Variants in YJU2 observed in about 807,000 individuals in gnomAD.
YJU2 encodes the protein YJU2 splicing factor homolog.
In YJU2, 28 loss-of-function variants were observed where a neutral mutation model predicts 39.6. That is an observed-to-expected ratio of 0.71 (90% CI 0.52 to 0.97). The LOEUF (loss-of-function observed/expected upper bound fraction) is 0.97. Among genes scored for constraint, YJU2 ranks in the 50% least tolerant of loss-of-function variants. The pLI is 0.00. For missense variants in YJU2, 328 were observed against 430.4 expected (o/e 0.76, Z 2.11); for synonymous variants, 184 against 182.4 (o/e 1.01, Z -0.07).
intron 3 of YJU2, among the ~76,000 whole-genome samples, chr19:4,253,192 C>G: frequency 7.9e-6 from 1 of 126,242 alleles, no homozygotes; most frequent in Non-Finnish European, 1.6e-5. Context: ...AGACCCTGTC[C>G]GTGTCTACAC....
Position 4,250,970 on chromosome 19 carries a change from C to T in YJU2, c.126-57C>T, listed in dbSNP as rs1191483776. On this transcript the variant is annotated intron_variant, in intron 2 of 7. Transcript: ENST00000262962. ...TCTTGCAGGATGCCGCAGGGACAGC[C>T]TGCCAGTGGGAGCCAGCGTCCCAAG... 3 of 1,584,332 alleles carry T rather than the reference C, an allele frequency of 1.9e-6. No individual in the cohort carries two copies. The African/African-American group carries it at 4.0e-5, about 21-fold the overall frequency.
intron 1 of YJU2, chr19:4,247,500 A>G (rs1599494327): frequency 6.1e-6 from 1 of 165,214 alleles, no homozygotes; most frequent in Non-Finnish European, 1.2e-5. Context: ...CCTCTTCTTG[A>G]GGGGCGTGGC....
At chr19:4,260,575 A>G (rs1391583122) in intron 5 of YJU2, among the ~76,000 whole-genome samples, 3 of 152,200 alleles carry the variant, frequency 2.0e-5, no homozygotes, top group Admixed American at 1.3e-4. Context: ...CGTCTCTACT[A>G]AAACTACAGA....
intron 5 of YJU2, among the ~76,000 whole-genome samples, chr19:4,261,138 C>G (rs1025373373): frequency 6.6e-6 from 1 of 152,134 alleles, no homozygotes; most frequent in African/African-American, 2.4e-5. Context: ...AAGCATTTCT[C>G]CTGCCTTGGC....
chr19:4,268,586 G>A lies in YJU2; in HGVS notation c.862G>A (p.Ala288Thr), dbSNP rs1971136114. Residue 288 changes from alanine to threonine, a missense_variant and splice_region_variant, in exon 8 of 8, where the codon GCC becomes ACC. Ala to Thr is a moderately conservative substitution (Grantham distance 58). This residue lies in a region of YJU2 where 244 missense variants were observed against 264.6 expected (regional missense o/e 0.92). Transcript: ENST00000262962. ...GCTAACTCTCGCTCTCCCACCAGGA[G>A]CCCCGCAGAACAGGAAGGAGGCCAA... ...GQPQAAPTPG[A>T]PQNRKEANPT... is the part of the protein sequence containing the mutation. 1.1e-5 allele frequency: 17 copies of A among 1,609,534 alleles called. No homozygotes were observed. Among genetic ancestry groups the A allele is most frequent in the Non-Finnish European group, 1.4e-5 (17 of 1,177,404 alleles).
intron 3 of YJU2, among the ~76,000 whole-genome samples, chr19:4,253,847 A>G (rs1296589942): frequency 1.3e-5 from 2 of 150,966 alleles, no homozygotes; most frequent in Non-Finnish European, 1.5e-5. Flanking sequence ...TTTTTGAGAC[A>G]GGGTCTCACT....
intron 5 of YJU2, among the ~76,000 whole-genome samples, chr19:4,259,517 C>T (rs4807561): frequency 0.3 from 45,625 of 151,702 alleles, 7,040 homozygotes; most frequent in East Asian, 0.45. Flanking sequence ...GTAGCTGGGA[C>T]CACAGGGACA....
At chr19:4,265,151 A>G (rs1476489966) in intron 6 of YJU2, among the ~76,000 whole-genome samples, 1 of 151,684 alleles carries the variant, frequency 6.6e-6, no homozygotes, top group Non-Finnish European at 1.5e-5. Flanking sequence ...CAGGTGTTTT[A>G]TTTGGTTTTA....
intron 6 of YJU2, among the ~76,000 whole-genome samples, chr19:4,263,809 CAA>C (rs34863832): frequency 0.014 from 1,416 of 98,338 alleles, 19 homozygotes; most frequent in African/African-American, 0.044. Flanking sequence ...GACTCTATCT[CAA>C]AAAAAAAAAA....
intron 4 of YJU2, among the ~76,000 whole-genome samples, chr19:4,257,850 G>A (rs574641352): frequency 5.9e-5 from 9 of 152,244 alleles, no homozygotes; most frequent in Middle Eastern, 6.8e-3. Flanking sequence ...TGATCCGCCC[G>A]CTCCGGCCTC....
rs1283721679 is a variant in YJU2 at position 4,258,252 on chromosome 19, A to G, written c.416A>G (p.Asn139Ser). The change falls in exon 5 of 8, where the codon AAC (asparagine) becomes AGC (serine). Residue 139 changes from asparagine (N) to serine (S), a missense_variant. Physicochemically the swap from Asn to Ser is conservative, Grantham distance 46. This residue lies in a region of YJU2 where 244 missense variants were observed against 264.6 expected (regional missense o/e 0.92). Coordinates refer to ENST00000262962, the MANE Select transcript of YJU2 (RefSeq NM_018074.6). ...CCCCGCGCCCGCCAGGTGCTGGAGA[A>G]CCGGACCAAGGACTCCAAGCTGGAG... ...ELNNPMKVLE[N>S]RTKDSKLEME... is the part of the protein sequence containing the mutation. The G allele has an allele frequency of 1.3e-6, 2 of 1,552,930 alleles. No individual in the cohort carries two copies. The highest frequency in any genetic ancestry group is 2.0e-5 in the Admixed American group (1 of 51,028).
At chr19:4,258,879 A>G (rs561753790) in intron 5 of YJU2, among the ~76,000 whole-genome samples, 1 of 152,060 alleles carries the variant, frequency 6.6e-6, no homozygotes, top group East Asian at 1.9e-4. Flanking sequence ...CCATGCCGGG[A>G]TTCCAGACTC....
intron 6 of YJU2, among the ~76,000 whole-genome samples, chr19:4,264,261 CAAAAAAAAAAAAAAA>C (rs748910280): frequency 6.8e-5 from 3 of 43,942 alleles, no homozygotes; most frequent in African/African-American, 1.5e-4. Flanking sequence ...GACTCTGTCT[CAAAAAAAAAAAAAAA>C]AAAAAAAAAA....
intron 5 of YJU2, among the ~76,000 whole-genome samples, chr19:4,260,217 A>G (rs892221585): frequency 6.6e-6 from 1 of 152,192 alleles, no homozygotes; most frequent in African/African-American, 2.4e-5. Flanking sequence ...TGAGGTCAGC[A>G]GTTCGAGACC....
At chr19:4,247,580 CGCGTGTGTGTGTGT>C (rs1970932482) in intron 1 of YJU2, among the ~76,000 whole-genome samples, 1 of 46,236 alleles carries the variant, frequency 2.2e-5, no homozygotes, top group African/African-American at 1.3e-4. Context: ...GGTGGGGTGG[CGCGTGTGTGTGTGT>C]GTGTGTGTGT....
chr19:4,265,977 G>A (rs113353571), intron 6 of YJU2, among the ~76,000 whole-genome samples: 4,387 of 135,798 alleles, frequency 0.032, 181 homozygotes, highest in African/African-American at 0.1. Context: ...TTTTCGAGAC[G>A]GCGTCTCGCC....
At chr19:4,258,753 C>T (rs1413544695) in intron 5 of YJU2, among the ~76,000 whole-genome samples, 1 of 152,220 alleles carries the variant, frequency 6.6e-6, no homozygotes, top group Non-Finnish European at 1.5e-5. Context: ...CAGGACGCGC[C>T]TCATCCCCTA....
At chr19:4,264,570 T>C (rs2144699653) in intron 6 of YJU2, among the ~76,000 whole-genome samples, 1 of 151,694 alleles carries the variant, frequency 6.6e-6, no homozygotes, top group African/African-American at 2.4e-5. Flanking sequence ...CACTGCAACC[T>C]TCGCCCCCCG....
intron 6 of YJU2, among the ~76,000 whole-genome samples, chr19:4,266,278 C>T (rs1037310088): frequency 6.6e-6 from 1 of 152,110 alleles, no homozygotes; most frequent in African/African-American, 2.4e-5. Context: ...GAGGCCTCTC[C>T]ACCACCTTAG....
Sources: gnomAD v4.1 joint callset for allele counts (sites outside exome capture counted in the v4.1 genomes callset) on GRCh38, gnomAD v4.1.1 for gene constraint, gnomAD v4.1.1 regional missense constraint, MANE v1.5 for transcripts, NCBI Gene and HGNC (gene_info 2026-07-23, HGNC 2026-07-21) for gene names.